The following TBC1D5 variants were observed in gnomAD, a reference collection of about 807,000 sequenced individuals.
The protein encoded by TBC1D5 is TBC1 domain family member 5.
In TBC1D5, 75 loss-of-function variants were observed where a neutral mutation model predicts 100.3. The observed-to-expected ratio is 0.75, with a 90% confidence interval of 0.62 to 0.91. The LOEUF (loss-of-function observed/expected upper bound fraction) is 0.91. Among genes scored for constraint, TBC1D5 ranks in the 40% least tolerant of loss-of-function variants. The pLI is 0.00. For synonymous variants in TBC1D5, 323 were observed against 325.6 expected (o/e 0.99, Z 0.09); for missense variants, 910 against 942.4 (o/e 0.97, Z 0.45).
intron 3 of TBC1D5, among the ~76,000 whole-genome samples, chr3:17,461,007 T>G (rs1037562872): frequency 2.0e-5 from 3 of 152,154 alleles, no homozygotes; most frequent in Admixed American, 6.5e-5. Flanking sequence ...CTGTGGTTGA[T>G]CCACAGAACA....
At chr3:17,377,837 T>C (rs545712248) in intron 9 of TBC1D5, among the ~76,000 whole-genome samples, 44 of 152,104 alleles carry the variant, frequency 2.9e-4, no homozygotes, top group South Asian at 6.2e-4. Context: ...TTATGATTCA[T>C]TGACAATTTA....
At chr3:17,403,060 T>C (rs1263214616) in intron 8 of TBC1D5, 121 bp downstream of exon 8, 2 of 705,294 alleles carry the variant, frequency 2.8e-6, no homozygotes, top group Non-Finnish European at 4.4e-6. Flanking sequence ...AAGTTTGTTA[T>C]TAACACAAGT....
chr3:17,417,187 A>G (rs1361222239), intron 4 of TBC1D5, among the ~76,000 whole-genome samples: 1 of 151,908 alleles, frequency 6.6e-6, no homozygotes, highest in Non-Finnish European at 1.5e-5. Flanking sequence ...TTTATTTTTT[A>G]TTATTTTTTA....
intron 3 of TBC1D5, among the ~76,000 whole-genome samples, chr3:17,497,411 C>T (rs1341047649): frequency 1.3e-5 from 2 of 152,180 alleles, no homozygotes; most frequent in Admixed American, 6.5e-5. Flanking sequence ...TTCCCAGATA[C>T]TGGATGATCA....
chr3:17,355,884 A>G (rs1413227134), intron 13 of TBC1D5, among the ~76,000 whole-genome samples: 1 of 152,156 alleles, frequency 6.6e-6, no homozygotes. Flanking sequence ...TATAGCTATA[A>G]AACAGGTTTC....
At chr3:17,421,076 T>C (rs2094196208) in intron 4 of TBC1D5, among the ~76,000 whole-genome samples, 1 of 152,144 alleles carries the variant, frequency 6.6e-6, no homozygotes, top group Non-Finnish European at 1.5e-5. Context: ...CAGTTGACTT[T>C]TCAAAATAGA....
chr3:17,421,838 G>A (rs764493500), intron 4 of TBC1D5, among the ~76,000 whole-genome samples: 6 of 152,092 alleles, frequency 3.9e-5, no homozygotes, highest in Non-Finnish European at 5.9e-5. Context: ...TTTCCAAATT[G>A]ATTCCCTAAA....
intron 19 of TBC1D5, among the ~76,000 whole-genome samples, chr3:17,181,452 A>T (rs2068447908): frequency 6.6e-6 from 1 of 152,236 alleles, no homozygotes; most frequent in Non-Finnish European, 1.5e-5. Context: ...ACTAGGGTTT[A>T]AAAATATTTT....
intron 16 of TBC1D5, among the ~76,000 whole-genome samples, chr3:17,256,242 GCTTA>G (rs2077657348): frequency 1.3e-5 from 2 of 151,748 alleles, no homozygotes; most frequent in Non-Finnish European, 2.9e-5. Context: ...CTATTTCCTT[GCTTA>G]CTGAGTTGTG....
chr3:17,705,515 C>G (rs1459375264), intron 1 of TBC1D5, among the ~76,000 whole-genome samples: 1 of 149,292 alleles, frequency 6.7e-6, no homozygotes, highest in Non-Finnish European at 1.5e-5. Flanking sequence ...GGCGGAGGGT[C>G]TCCTCACTTC....
intron 13 of TBC1D5, among the ~76,000 whole-genome samples, chr3:17,360,112 T>C (rs1032832787): frequency 3.9e-5 from 6 of 152,186 alleles, no homozygotes; most frequent in South Asian, 2.1e-4. Flanking sequence ...TAAAGTATTA[T>C]CACTGTTACT....
intron 17 of TBC1D5, 75 bp from the exon 18 acceptor site, chr3:17,233,825 T>C: frequency 2.3e-6 from 2 of 869,516 alleles, no homozygotes; most frequent in South Asian, 1.6e-5. Context: ...TTATACTGAA[T>C]GTTCTAATAC....
chr3:17,677,694 C>A (rs1483326367), intron 1 of TBC1D5, among the ~76,000 whole-genome samples: 1 of 152,168 alleles, frequency 6.6e-6, no homozygotes, highest in Admixed American at 6.5e-5. Flanking sequence ...GACACATGCA[C>A]ACGTATGTTT....
chr3:17,379,494 C>T (rs897391210), intron 9 of TBC1D5, among the ~76,000 whole-genome samples: 1 of 151,992 alleles, frequency 6.6e-6, no homozygotes, highest in Non-Finnish European at 1.5e-5. Flanking sequence ...TAATCATTCA[C>T]GTATTGCAAA....
chr3:17,318,461 T>C (rs2084974827), intron 13 of TBC1D5, among the ~76,000 whole-genome samples: 1 of 152,200 alleles, frequency 6.6e-6, no homozygotes, highest in Non-Finnish European at 1.5e-5. Flanking sequence ...GTCTGTGGAA[T>C]ACATGCATTA....
chr3:17,343,211 T>C (rs2089286444), intron 13 of TBC1D5, among the ~76,000 whole-genome samples: 1 of 152,212 alleles, frequency 6.6e-6, no homozygotes, highest in Non-Finnish European at 1.5e-5. Context: ...CTTTTCTGCA[T>C]CTATTGAGAT....
At chr3:17,283,628 G>A (rs1380637914) in intron 15 of TBC1D5, among the ~76,000 whole-genome samples, 1 of 152,098 alleles carries the variant, frequency 6.6e-6, no homozygotes, top group African/African-American at 2.4e-5. Context: ...ATTCATTTAA[G>A]ACTACTTGGA....
chr3:17,500,899 G>A (rs2095779715), intron 3 of TBC1D5, among the ~76,000 whole-genome samples: 1 of 149,450 alleles, frequency 6.7e-6, no homozygotes, highest in African/African-American at 2.5e-5. Context: ...TCAAACTGAA[G>A]TCTCTCATAT....
intron 2 of TBC1D5, among the ~76,000 whole-genome samples, chr3:17,539,048 T>TA (rs2096317867): frequency 2.6e-5 from 4 of 152,128 alleles, no homozygotes; most frequent in African/African-American, 7.2e-5. Context: ...CCAGGCATGA[T>TA]GGTGCATGCC....
Sources: allele counts gnomAD v4.1 joint callset (sites outside exome capture counted in the v4.1 genomes callset), GRCh38; gene constraint gnomAD v4.1.1; transcripts MANE v1.5; gene names NCBI Gene and HGNC (gene_info 2026-07-23, HGNC 2026-07-21).